Variants in GC observed in about 807,000 individuals in gnomAD.
GC encodes vitamin D-binding protein.
A neutral mutation model predicts 56.7 loss-of-function variants in GC; 43 were observed. The observed-to-expected ratio is 0.76, with a 90% CI of 0.59 to 0.98. The LOEUF is 0.98. GC is among the 50% of genes least tolerant of loss of function. The pLI, the probability that GC is intolerant of heterozygous loss-of-function variation, is 0.00. For missense variants in GC, 529 were observed against 545.9 expected, an observed-to-expected ratio of 0.97 and a Z score of 0.31; for synonymous variants, 216 against 202.7, an observed-to-expected ratio of 1.07 and a Z score of -0.56.
At position 71,792,163 on chromosome 4, in the gene GC, T is replaced by A. The variant is rs370487218; in HGVS notation, c.22-8109A>T. Among the ~76,000 whole-genome samples the A allele has an allele frequency of 9.8e-5, 15 of 152,330 alleles. 1 individual carries two copies. The East Asian group carries it at 2.9e-3, about 29-fold the overall frequency. On this transcript the variant is annotated intron_variant, in intron 1 of 13. Transcript: ENST00000504199. The stretch of plus-strand genomic sequence containing the variant: ...GTCTTTATAGTAGCATGATTTATAA[T>A]CCTTTGGGTATATACCCAGTAATGG...
intron 1 of GC, among the ~76,000 whole-genome samples, chr4:71,776,052 G>A (rs1295285725): frequency 6.6e-6 from 1 of 151,918 alleles, no homozygotes; most frequent in African/African-American, 2.4e-5. Flanking sequence ...CACTGTTGGT[G>A]GAAATATACA....
intron 1 of GC, among the ~76,000 whole-genome samples, chr4:71,794,968 T>C (rs1743061554): frequency 6.6e-6 from 1 of 152,208 alleles, no homozygotes; most frequent in African/African-American, 2.4e-5. Flanking sequence ...TTGTGCAGTG[T>C]TGAGTGAGTT....
Position 71,768,418 on chromosome 4 carries a change from G to A in GC, c.144C>T (p.Tyr48=), listed in dbSNP as rs948558538. 5.0e-6 allele frequency: 8 copies of A among 1,611,588 alleles called. No homozygotes were observed. The African/African-American group carries it at 6.7e-5, about 13-fold the overall frequency. The change falls in exon 3 of 13, where the codon TAC becomes TAT. Residue 48 remains tyrosine, a synonymous_variant. Coordinates refer to ENST00000273951, the MANE Select transcript of GC (RefSeq NM_000583.4). ...ACGTGCCACTGGGAAATTTTCTACT[G>A]TACAGGACTAGTGACCTGAGGGGAA... ...EDFTSLSLVL[Y]SRKFPSGTFE...
Position 71,783,995 on chromosome 4 carries a change from C to G in GC, c.24G>C (p.Leu8=). 6.2e-7 allele frequency: 1 copy of G among 1,602,562 alleles called. No individual in the cohort carries two copies. The highest frequency in any genetic ancestry group is 1.1e-5 in the South Asian group (1 of 89,184). ...AAGCATGTCCAAATGCCACAGCAAG[C>G]AGTAGTACCAGGACCCTCTTCATTT... MKRVLVL[L]LAVAFGHALE... The change falls in exon 1 of 13, where the codon CTG becomes CTC. Residue 8 remains leucine, a synonymous_variant. Transcript: ENST00000273951.
intron 10 of GC, 124 bp from the exon 11 acceptor site, chr4:71,752,774 T>G: frequency 1.2e-6 from 1 of 826,232 alleles, no homozygotes; most frequent in Non-Finnish European, 1.9e-6. Context: ...CTTGCCTGTC[T>G]CAAGAAAATT....
upstream of GC, among the ~76,000 whole-genome samples, chr4:71,804,803 G>A (rs1207791080): frequency 6.6e-6 from 1 of 151,678 alleles, no homozygotes; most frequent in Non-Finnish European, 1.5e-5. Context: ...CTAAGACAGG[G>A]TCCCATAACT....
chr4:71,748,083 C>T (rs1046722572), intron 11 of GC, among the ~76,000 whole-genome samples: 4 of 152,110 alleles, frequency 2.6e-5, no homozygotes, highest in African/African-American at 9.7e-5. Context: ...TTTCTAACAT[C>T]ATATAACCTC....
chr4:71,773,728 T>C (rs1372873451), intron 1 of GC, among the ~76,000 whole-genome samples: 1 of 152,070 alleles, frequency 6.6e-6, no homozygotes, highest in African/African-American at 2.4e-5. Context: ...TAAGTGCTCG[T>C]ACAGGATGCT....
At chr4:71,772,298 T>TC (rs1358543200) in intron 1 of GC, among the ~76,000 whole-genome samples, 1 of 152,148 alleles carries the variant, frequency 6.6e-6, no homozygotes, top group Non-Finnish European at 1.5e-5. Flanking sequence ...TTGTTTAAAT[T>TC]CCCCCCTACA....
In GC at chr4:71,775,241, AG is replaced by A. The variant is rs1455306172; in HGVS notation, c.59-5842del. On this transcript the variant is annotated intron_variant, in intron 1 of 12. Coordinates refer to ENST00000273951, the MANE Select transcript of GC (RefSeq NM_000583.4). ...GCAAAATTGTCTTTATTTTCCATGA[AG>A]GTTCTTTCAGGGCAAAGATCATGTC... Among the ~76,000 whole-genome samples the A allele has an allele frequency of 6.6e-4, 101 of 152,028 alleles. 1 individual carries two copies. Among genetic ancestry groups the A allele is most frequent in the Non-Finnish European group, 2.5e-4 (17 of 67,906 alleles).
rs747162006 is a variant in GC, at chr4:71,758,137, C to T, written c.736G>A (p.Ala246Thr). ...LIKLAQKVPT[A>T]DLEDVLPLAE... ...AGTGGCAAAACATCCTCCAGATCAG[C>T]AGTAGGCACTTTTTGGGCTAACTTT... The change falls in exon 7 of 13, where the codon GCT becomes ACT. Residue 246 changes from alanine to threonine, a missense_variant. Physicochemically the swap from Ala to Thr is moderately conservative, Grantham distance 58. Transcript: ENST00000273951. The T allele has an allele frequency of 4.4e-5, 71 of 1,611,322 alleles. No individual in the cohort carries two copies.
At chr4:71,775,521 A>G (rs1339668522) in intron 1 of GC, among the ~76,000 whole-genome samples, 1 of 152,016 alleles carries the variant, frequency 6.6e-6, no homozygotes, top group Non-Finnish European at 1.5e-5. Flanking sequence ...TTAAAGGCTT[A>G]AATGTAAGAC....
At chr4:71,803,973 C>T in exon 1 of GC, 3 of 1,435,240 alleles carry the variant, frequency 2.1e-6, no homozygotes, top group African/African-American at 1.4e-5. Context: ...TAGTCCAGAT[C>T]ATCACCAGTG....
intron 1 of GC, among the ~76,000 whole-genome samples, chr4:71,790,972 T>C (rs1321090625): frequency 6.6e-6 from 1 of 151,996 alleles, no homozygotes; most frequent in East Asian, 1.9e-4. Context: ...CATTAAAAAC[T>C]GGGTGAAGGA....
chr4:71,794,268 T>G (rs1743038671), intron 1 of GC, among the ~76,000 whole-genome samples: 1 of 152,238 alleles, frequency 6.6e-6, no homozygotes, highest in Non-Finnish European at 1.5e-5. Flanking sequence ...AGAATTCGGC[T>G]GTGAATCTGT....
At chr4:71,804,888 A>G (rs985982820), upstream of GC, among the ~76,000 whole-genome samples, 4 of 139,916 alleles carry the variant, frequency 2.9e-5, no homozygotes. Flanking sequence ...CCTTGTTTGT[A>G]TCTTTACCTG....
intron 12 of GC, among the ~76,000 whole-genome samples, chr4:71,742,681 G>A (rs529830151): frequency 6.6e-6 from 1 of 152,258 alleles, no homozygotes; most frequent in East Asian, 1.9e-4. Context: ...AGATAATTAA[G>A]AGACAGAGAT....
chr4:71,770,002 C>T (rs1007437052), intron 1 of GC, among the ~76,000 whole-genome samples: 3 of 152,174 alleles, frequency 2.0e-5, no homozygotes, highest in Middle Eastern at 3.2e-3. Context: ...AGGTGGAAAT[C>T]AGGCAAAGAA....
chr4:71,746,772 T>TAAAAAAAAAAAAAAAAAAAAAAAAAAAA (rs34865299), intron 11 of GC, among the ~76,000 whole-genome samples: 3 of 100,656 alleles, frequency 3.0e-5, no homozygotes, highest in Admixed American at 1.2e-4. Flanking sequence ...CTCTATTTTG[T>TAAAAAAAAAAAAAAAAAAAAAAAAAAAA]AAAAAAAAAA....
Sources: gnomAD v4.1 joint callset for allele counts (sites outside exome capture counted in the v4.1 genomes callset) on GRCh38, gnomAD v4.1.1 for gene constraint, MANE v1.5 for transcripts, NCBI Gene and HGNC (gene_info 2026-07-23, HGNC 2026-07-21) for gene names.